The following SETBP1 variants were observed in gnomAD, a reference collection of about 807,000 sequenced individuals.
SETBP1 encodes SET binding protein 1, also known as SET-binding protein.
In SETBP1, 9 loss-of-function variants were observed where a neutral mutation model predicts 101.0. That is an observed-to-expected ratio of 0.09 (90% CI 0.05 to 0.16). SETBP1 has a LOEUF of 0.16. Among genes scored for constraint, SETBP1 ranks in the 10% least tolerant of loss-of-function variants. The pLI, the probability that SETBP1 is intolerant of heterozygous loss-of-function variation, is 1.00. For synonymous variants in SETBP1, 818 were observed against 788.5 expected (o/e 1.04, Z -0.63); for missense variants, 1,858 against 2,033.8 (o/e 0.91, Z 1.66).
intron 4 of SETBP1, among the ~76,000 whole-genome samples, chr18:45,033,642 C>A (rs1389867913): frequency 3.9e-5 from 6 of 152,194 alleles, no homozygotes; most frequent in Non-Finnish European, 8.8e-5. Context: ...ATTTGCAAAT[C>A]TTAGAATTAC....
chr18:44,791,399 A>T (rs562211104), intron 2 of SETBP1, among the ~76,000 whole-genome samples: 1 of 152,162 alleles, frequency 6.6e-6, no homozygotes, highest in Non-Finnish European at 1.5e-5. Flanking sequence ...AATGTTTCTT[A>T]CTCCAACACA....
chr18:44,686,123 C>T (rs553630556), intron 1 of SETBP1, among the ~76,000 whole-genome samples: 17 of 152,232 alleles, frequency 1.1e-4, no homozygotes, highest in South Asian at 2.1e-4. Context: ...CTAATAGCAG[C>T]GTTGCCGCTG....
intron 4 of SETBP1, chr18:44,988,301 C>T (rs750275582): frequency 6.6e-5 from 10 of 151,964 alleles, no homozygotes; most frequent in Admixed American, 2.6e-4. Flanking sequence ...TTTCAGGTTG[C>T]CTGAATAAGG....
intron 4 of SETBP1, among the ~76,000 whole-genome samples, chr18:44,985,900 A>G (rs967837499): frequency 3.9e-5 from 6 of 152,254 alleles, no homozygotes; most frequent in African/African-American, 1.4e-4. Context: ...TTTGGAGCCA[A>G]GAACCAGAGT....
intron 3 of SETBP1, among the ~76,000 whole-genome samples, chr18:44,916,517 T>C (rs1297715732): frequency 6.6e-6 from 1 of 152,172 alleles, no homozygotes; most frequent in Non-Finnish European, 1.5e-5. Context: ...ATCCTAAACT[T>C]AATTTGTGTA....
At chr18:44,867,917 A>G (rs2069165845) in intron 2 of SETBP1, among the ~76,000 whole-genome samples, 1 of 152,222 alleles carries the variant, frequency 6.6e-6, no homozygotes, top group Non-Finnish European at 1.5e-5. Context: ...CTTGACCCAA[A>G]CAAAACATTG....
intron 2 of SETBP1, among the ~76,000 whole-genome samples, chr18:44,853,820 T>C (rs1418910627): frequency 6.6e-6 from 1 of 152,094 alleles, no homozygotes; most frequent in African/African-American, 2.4e-5. Flanking sequence ...AAATTACTTT[T>C]TCCTGCCAGA....
chr18:44,853,983 C>A (rs2072922509), intron 2 of SETBP1, among the ~76,000 whole-genome samples: 1 of 152,156 alleles, frequency 6.6e-6, no homozygotes, highest in African/African-American at 2.4e-5. Flanking sequence ...GACCGGTCTT[C>A]ATTAATTCTT....
chr18:44,935,860 G>A (rs1030637432), intron 3 of SETBP1, among the ~76,000 whole-genome samples: 4 of 152,052 alleles, frequency 2.6e-5, no homozygotes, highest in African/African-American at 9.7e-5. Flanking sequence ...GCCTTTCAAG[G>A]GGCTACAGGT....
At chr18:45,032,911 C>T (rs1664395745) in intron 4 of SETBP1, among the ~76,000 whole-genome samples, 1 of 152,144 alleles carries the variant, frequency 6.6e-6, no homozygotes, top group African/African-American at 2.4e-5. Context: ...CACAGCTACC[C>T]TTATGCTACA....
intron 1 of SETBP1, among the ~76,000 whole-genome samples, chr18:44,692,921 A>G (rs936704196): frequency 6.6e-6 from 1 of 152,166 alleles, no homozygotes; most frequent in East Asian, 1.9e-4. Context: ...AGTAGTCTGG[A>G]AATGCTGCTT....
intron 4 of SETBP1, among the ~76,000 whole-genome samples, chr18:44,956,922 C>A (rs2071496578): frequency 6.6e-6 from 1 of 152,228 alleles, no homozygotes; most frequent in African/African-American, 2.4e-5. Flanking sequence ...GTACAGACTT[C>A]TGACCATTTT....
chr18:44,735,378 A>G (rs2069941989), intron 2 of SETBP1, among the ~76,000 whole-genome samples: 1 of 152,152 alleles, frequency 6.6e-6, no homozygotes, highest in African/African-American at 2.4e-5. Context: ...GGTTGCATCA[A>G]TTGCTTGTAG....
chr18:44,994,571 A>G (rs2072450632), intron 4 of SETBP1, among the ~76,000 whole-genome samples: 1 of 152,234 alleles, frequency 6.6e-6, no homozygotes, highest in Non-Finnish European at 1.5e-5. Flanking sequence ...CCACATGTGT[A>G]GAAGATAAAT....
At chr18:44,828,917 T>C (rs1468571670) in intron 2 of SETBP1, among the ~76,000 whole-genome samples, 1 of 152,250 alleles carries the variant, frequency 6.6e-6, no homozygotes, top group Non-Finnish European at 1.5e-5. Flanking sequence ...CACTACACCC[T>C]GCTATAATCT....
intron 2 of SETBP1, among the ~76,000 whole-genome samples, chr18:44,761,573 C>T (rs762358175): frequency 3.9e-5 from 6 of 152,174 alleles, no homozygotes; most frequent in Admixed American, 1.3e-4. Context: ...CCCTACTAAT[C>T]CTGAAGAATT....
chr18:44,924,514 TTTA>T (rs2070654616), intron 3 of SETBP1, among the ~76,000 whole-genome samples: 1 of 152,174 alleles, frequency 6.6e-6, no homozygotes, highest in African/African-American at 2.4e-5. Context: ...TATTAGCCAC[TTTA>T]TTATTTATTA....
intron 3 of SETBP1, among the ~76,000 whole-genome samples, chr18:44,940,316 T>C (rs1048001857): frequency 6.6e-6 from 1 of 152,178 alleles, no homozygotes; most frequent in Non-Finnish European, 1.5e-5. Flanking sequence ...TTTTATTCAC[T>C]CTGATAAGAT....
At chr18:44,812,297 A>G (rs2071880383) in intron 2 of SETBP1, among the ~76,000 whole-genome samples, 1 of 152,204 alleles carries the variant, frequency 6.6e-6, no homozygotes, top group African/African-American at 2.4e-5. Context: ...AAATACTTGA[A>G]TAAATTTATG....
Sources: gnomAD v4.1 joint callset for allele counts (sites outside exome capture counted in the v4.1 genomes callset) on GRCh38, gnomAD v4.1.1 for gene constraint, MANE v1.5 for transcripts, NCBI Gene and HGNC (gene_info 2026-07-23, HGNC 2026-07-21) for gene names.